Variants in CDH8 observed in about 807,000 individuals in gnomAD.
CDH8 encodes the protein cadherin-8.
CDH8 carries 17 observed loss-of-function variants against 68.1 expected under a neutral mutation model. The ratio of observed to expected loss-of-function variants is 0.25; its 90% CI spans 0.17 to 0.37. CDH8 has a LOEUF of 0.37. CDH8 is among the 10% of genes least tolerant of loss of function. CDH8 has a pLI of 1.00. For missense variants in CDH8, 763 were observed against 999.3 expected, an observed-to-expected ratio of 0.76 and a Z score of 3.19; for synonymous variants, 372 against 365.1, an observed-to-expected ratio of 1.02 and a Z score of -0.21.
chr16:61,867,429 T>C (rs1423159427), intron 3 of CDH8, among the ~76,000 whole-genome samples: 1 of 152,096 alleles, frequency 6.6e-6, no homozygotes, highest in Admixed American at 6.6e-5. Context: ...TCAAATGCAG[T>C]GGGTGACACA....
chr16:61,796,183 A>T (rs1031314866), intron 7 of CDH8, among the ~76,000 whole-genome samples: 1 of 152,066 alleles, frequency 6.6e-6, no homozygotes, highest in Non-Finnish European at 1.5e-5. Flanking sequence ...TAGATAAGAG[A>T]GAAAAAGAGA....
chr16:61,701,164 G>A (rs555843963), intron 10 of CDH8, among the ~76,000 whole-genome samples: 26 of 152,230 alleles, frequency 1.7e-4, no homozygotes, highest in African/African-American at 4.3e-4. Context: ...TATCCCAGTC[G>A]CAAATGGGTC....
In CDH8 at chr16:61,794,702, G is replaced by T. The variant is rs116761134; in HGVS notation, c.1278-5220C>A. On this transcript the variant is annotated intron_variant, in intron 7 of 11. Transcript: ENST00000577390. ...GTTTAAGTGATGAAAGATGAAGCTG[G>T]GAAGGGAGAATAAATAGGAACCGAT... Among the ~76,000 whole-genome samples, 245 of 152,090 alleles carry T rather than the reference G, an allele frequency of 1.6e-3. 1 individual carries two copies. The highest frequency in any genetic ancestry group is 5.7e-3 in the African/African-American group (236 of 41,496).
chr16:61,759,979 C>T (rs1352213299), intron 8 of CDH8, among the ~76,000 whole-genome samples: 1 of 151,924 alleles, frequency 6.6e-6, no homozygotes, highest in African/African-American at 2.4e-5. Context: ...CTTGGAACAC[C>T]AATACCATGA....
intron 8 of CDH8, chr16:61,743,274 G>T (rs752709210): frequency 9.9e-5 from 15 of 152,168 alleles, no homozygotes; most frequent in Non-Finnish European, 1.9e-4. Flanking sequence ...TATCACGGGA[G>T]CACAGCTACT....
chr16:61,934,539 T>G (rs187076587), intron 2 of CDH8, among the ~76,000 whole-genome samples: 4 of 152,334 alleles, frequency 2.6e-5, no homozygotes, highest in Admixed American at 2.6e-4. Context: ...ATAATTTACT[T>G]ATTTTATTAC....
intron 8 of CDH8, among the ~76,000 whole-genome samples, chr16:61,744,580 C>A (rs1959965520): frequency 2.0e-5 from 3 of 151,624 alleles, no homozygotes; most frequent in Admixed American, 6.6e-5. Context: ...GTTTGGATTT[C>A]TTTTTGTACT....
chr16:61,747,163 T>C (rs1960044245), intron 8 of CDH8, among the ~76,000 whole-genome samples: 1 of 152,122 alleles, frequency 6.6e-6, no homozygotes, highest in Non-Finnish European at 1.5e-5. Context: ...CGTCCATCTA[T>C]GCATGTTAGA....
intron 10 of CDH8, among the ~76,000 whole-genome samples, chr16:61,665,834 C>T (rs1212442611): frequency 6.6e-5 from 9 of 136,708 alleles, no homozygotes; most frequent in Non-Finnish European, 1.1e-4. Flanking sequence ...CTCTCCTTCC[C>T]TCCCTCCCTC....
chr16:62,035,198 G>A (rs1477810134), intron 1 of CDH8: 1 of 152,266 alleles, frequency 6.6e-6, no homozygotes, highest in Non-Finnish European at 1.5e-5. Context: ...GCAGAACCTA[G>A]GCAAGAGCCT....
intron 9 of CDH8, among the ~76,000 whole-genome samples, chr16:61,724,803 T>C (rs1003876280): frequency 2.0e-5 from 3 of 150,920 alleles, no homozygotes; most frequent in Non-Finnish European, 3.0e-5. Context: ...TGAGAGACGA[T>C]TGAAAGTATA....
chr16:61,745,042 A>G (rs1378196729), intron 8 of CDH8, among the ~76,000 whole-genome samples: 1 of 150,938 alleles, frequency 6.6e-6, no homozygotes, highest in African/African-American at 2.4e-5. Flanking sequence ...TTTTTTAGAA[A>G]AATATATTTC....
intron 2 of CDH8, 115 bp downstream of exon 2, chr16:62,021,037 C>T (rs1004529638): frequency 5.6e-6 from 5 of 899,114 alleles, no homozygotes; most frequent in African/African-American, 1.7e-5. Context: ...ACTCACTAAA[C>T]ATCTGGCTTG....
intron 10 of CDH8, among the ~76,000 whole-genome samples, chr16:61,662,323 T>C (rs1963583310): frequency 6.6e-6 from 1 of 151,814 alleles, no homozygotes; most frequent in Non-Finnish European, 1.5e-5. Context: ...AGCTTCCGCT[T>C]ATTGTTTTTA....
chr16:61,650,000 TAA>T lies in CDH8; in HGVS notation c.*3606_*3607del, dbSNP rs1567401545. The stretch of plus-strand genomic sequence containing the variant: ...GCTTCACTGGTGATACCAGTAAATC[TAA>T]GTTTCCTTTTCTTCTATATATACAC... On this transcript the variant is annotated 3_prime_UTR_variant, in exon 12 of 12. Coordinates refer to ENST00000577390, the MANE Select transcript of CDH8 (RefSeq NM_001796.5). 2 of 152,254 alleles carry T rather than the reference TAA, an allele frequency of 1.3e-5. No homozygotes were observed. Among genetic ancestry groups the T allele is most frequent in the South Asian group, 4.1e-4 (2 of 4,832 alleles). 9.4% of individuals were successfully genotyped at this position (152,254 alleles called of 1,614,324 possible).
At chr16:61,830,069 G>C (rs1379886834) in intron 4 of CDH8, among the ~76,000 whole-genome samples, 1 of 151,770 alleles carries the variant, frequency 6.6e-6, no homozygotes, top group East Asian at 1.9e-4. Flanking sequence ...AATGAAAATA[G>C]CCTTACTATT....
At chr16:61,847,538 TTATATA>T (rs56946081) in intron 4 of CDH8, among the ~76,000 whole-genome samples, 9,216 of 136,646 alleles carry the variant, frequency 0.067, 356 homozygotes, top group South Asian at 0.084. Flanking sequence ...TCCAATCATT[TTATATA>T]TATATATATA....
intron 10 of CDH8, among the ~76,000 whole-genome samples, chr16:61,698,187 C>T (rs1393293713): frequency 6.6e-6 from 1 of 152,102 alleles, no homozygotes. Context: ...ATTGATTTTC[C>T]CTTTGAGCCC....
intron 2 of CDH8, among the ~76,000 whole-genome samples, chr16:61,929,461 A>G (rs1037962058): frequency 8.5e-5 from 13 of 152,200 alleles, no homozygotes; most frequent in African/African-American, 1.7e-4. Context: ...CTGTTCGCCT[A>G]CATGGATTCG....
Sources: gnomAD v4.1 joint callset for allele counts (sites outside exome capture counted in the v4.1 genomes callset) on GRCh38, gnomAD v4.1.1 for gene constraint, MANE v1.5 for transcripts, NCBI Gene and HGNC (gene_info 2026-07-23, HGNC 2026-07-21) for gene names.